The following EIF3H variants were observed in gnomAD, a reference collection of about 807,000 sequenced individuals.
EIF3H encodes the protein eIF-3-gamma.
A neutral mutation model predicts 44.2 loss-of-function variants in EIF3H; 26 were observed. The ratio of observed to expected loss-of-function variants is 0.59; its 90% CI spans 0.43 to 0.82. The LOEUF is 0.82. EIF3H is among the 40% of genes least tolerant of loss of function. EIF3H has a pLI of 0.00. For synonymous variants in EIF3H, 166 were observed against 151.9 expected, an observed-to-expected ratio of 1.09 and a Z score of -0.68; for missense variants, 359 against 432.8, an observed-to-expected ratio of 0.83 and a Z score of 1.51.
intron 1 of EIF3H, among the ~76,000 whole-genome samples, chr8:116,740,773 A>ACGG (rs1815116667): frequency 6.6e-6 from 1 of 152,180 alleles, no homozygotes; most frequent in South Asian, 2.1e-4. Flanking sequence ...CCTGTAGTCT[A>ACGG]CACAAACAGA....
intron 1 of EIF3H, among the ~76,000 whole-genome samples, chr8:116,742,319 G>A (rs1283983577): frequency 6.6e-6 from 1 of 152,072 alleles, no homozygotes; most frequent in Non-Finnish European, 1.5e-5. Context: ...CAAAAGAATG[G>A]TACTAATCTT....
At chr8:116,679,547 C>T (rs1813928489) in intron 2 of EIF3H, among the ~76,000 whole-genome samples, 2 of 18,868 alleles carry the variant, frequency 1.1e-4, no homozygotes, top group African/African-American at 3.2e-4. Context: ...GGGGGGTCAG[C>T]CCCCCGCCCG....
intron 1 of EIF3H, among the ~76,000 whole-genome samples, chr8:116,749,429 A>G (rs1014149806): frequency 4.6e-5 from 7 of 152,162 alleles, no homozygotes; most frequent in Non-Finnish European, 1.0e-4. Flanking sequence ...TTTCTAACAA[A>G]CTCAAGTGTA....
At chr8:116,721,808 C>G (rs1814751560) in intron 2 of EIF3H, among the ~76,000 whole-genome samples, 1 of 152,224 alleles carries the variant, frequency 6.6e-6, no homozygotes, top group South Asian at 2.1e-4. Flanking sequence ...GGCTCATTCT[C>G]CCATTTGAAA....
rs1192980428 is a variant in EIF3H at position 116,752,791 on chromosome 8, GGGAGGGAA to G, written c.132+2867_132+2874del. ...AGGGAGGGAGGGAGGGAGGGAGGGA[GGGAGGGAA>G]GGAAGGAAGGAAGGAAGGAAGGAAG... On this transcript the variant is annotated intron_variant, in intron 1 of 7. Transcript: ENST00000521861. Among the ~76,000 whole-genome samples the G allele has an allele frequency of 7.6e-3, 546 of 71,520 alleles. 25 individuals are homozygous for G. Among genetic ancestry groups the G allele is most frequent in the South Asian group, 9.3e-3 (16 of 1,724 alleles). The allele number at this position is 71,520 out of a possible 152,430, so 46.9% of individuals were successfully genotyped here.
At chr8:116,706,043 C>T (rs558013479) in intron 2 of EIF3H, among the ~76,000 whole-genome samples, 5 of 151,200 alleles carry the variant, frequency 3.3e-5, no homozygotes, top group African/African-American at 9.7e-5. Context: ...TAAACACTAC[C>T]ACCGATAAAT....
At chr8:116,726,788 T>G (rs1202359506) in intron 1 of EIF3H, among the ~76,000 whole-genome samples, 1 of 152,184 alleles carries the variant, frequency 6.6e-6, no homozygotes, top group African/African-American at 2.4e-5. Context: ...TAACCAGGTC[T>G]TCTACTACTC....
Position 116,712,090 on chromosome 8 carries a change from T to C in EIF3H, c.289+13926A>G, listed in dbSNP as rs904377488. 5.9e-5 allele frequency among the ~76,000 whole-genome samples: 9 copies of C among 152,338 alleles called. 1 individual carries two copies. In the East Asian group the frequency reaches 1.2e-3, roughly 20 times the overall value. Reference sequence around the variant, plus strand: ...GTGACTTGAGAACAACTGGAATTTGTAGGACTGCTGCTGCCGCCGCCGCCG... The same window carrying C: ...GTGACTTGAGAACAACTGGAATTTGCAGGACTGCTGCTGCCGCCGCCGCCG... On this transcript the variant is annotated intron_variant, in intron 2 of 7. Transcript: ENST00000521861.
At chr8:116,734,501 C>T (rs1293035360) in intron 1 of EIF3H, 2 of 393,724 alleles carry the variant, frequency 5.1e-6, no homozygotes, top group East Asian at 7.1e-5. Context: ...GAGTGATACA[C>T]GTTCACGTTT....
intron 1 of EIF3H, among the ~76,000 whole-genome samples, chr8:116,752,719 A>AGAAG (rs1815367087): frequency 1.6e-5 from 2 of 121,848 alleles, no homozygotes; most frequent in Admixed American, 8.2e-5. Context: ...AAAGAAAGAA[A>AGAAG]GAAAGAAAGA....
intron 2 of EIF3H, among the ~76,000 whole-genome samples, chr8:116,705,082 C>T (rs1157440662): frequency 6.6e-6 from 1 of 152,170 alleles, no homozygotes; most frequent in Admixed American, 6.5e-5. Context: ...TTATTATCTA[C>T]AAAGAATGTT....
At chr8:116,698,239 T>G (rs201484058) in intron 2 of EIF3H, among the ~76,000 whole-genome samples, 31 of 152,086 alleles carry the variant, frequency 2.0e-4, no homozygotes, top group Non-Finnish European at 4.0e-4. Flanking sequence ...AAAATAAATT[T>G]CACAAGATGG....
intron 1 of EIF3H, among the ~76,000 whole-genome samples, chr8:116,739,473 ACC>A (rs766989902): frequency 1.1e-4 from 17 of 152,216 alleles, no homozygotes; most frequent in Non-Finnish European, 1.6e-4. Context: ...AAACGGTGAA[ACC>A]CCATCTCTAC....
chr8:116,664,672 G>A (rs934887470), intron 2 of EIF3H, among the ~76,000 whole-genome samples: 4 of 152,086 alleles, frequency 2.6e-5, no homozygotes, highest in African/African-American at 4.8e-5. Context: ...ATTCAAACTC[G>A]AAAACTCAAG....
At chr8:116,754,056 T>C (rs980495533) in intron 1 of EIF3H, among the ~76,000 whole-genome samples, 2 of 152,028 alleles carry the variant, frequency 1.3e-5, no homozygotes, top group African/African-American at 4.8e-5. Context: ...TGAACACACA[T>C]CTGCCTCCCA....
At chr8:116,671,234 G>A (rs968339705) in intron 2 of EIF3H, among the ~76,000 whole-genome samples, 5 of 152,050 alleles carry the variant, frequency 3.3e-5, no homozygotes, top group Admixed American at 1.3e-4. Flanking sequence ...ATCCCCTAAC[G>A]CAGCACAAAA....
intron 2 of EIF3H, among the ~76,000 whole-genome samples, chr8:116,684,165 G>A (rs1003392223): frequency 2.0e-5 from 3 of 152,108 alleles, no homozygotes; most frequent in Admixed American, 6.6e-5. Flanking sequence ...TTAATAAAAG[G>A]AGCCTGTCTT....
chr8:116,737,157 A>G (rs189857612), intron 1 of EIF3H: 60 of 365,736 alleles, frequency 1.6e-4, no homozygotes, highest in Non-Finnish European at 3.0e-4. Context: ...ATCAAAAAGC[A>G]TACTTCTCAA....
At chr8:116,730,300 A>T (rs1814930125) in intron 1 of EIF3H, among the ~76,000 whole-genome samples, 1 of 152,194 alleles carries the variant, frequency 6.6e-6, no homozygotes, top group South Asian at 2.1e-4. Context: ...CTGTCAGGTG[A>T]CCAGTGGCAC....
Sources: allele counts gnomAD v4.1 joint callset (sites outside exome capture counted in the v4.1 genomes callset), GRCh38; gene constraint gnomAD v4.1.1; transcripts MANE v1.5; gene names NCBI Gene and HGNC (gene_info 2026-07-23, HGNC 2026-07-21).